Variants in RBM7 observed in about 807,000 individuals in gnomAD.
RBM7 encodes the protein RNA binding motif protein 7, also known as RNA-binding protein 7.
RBM7 carries 13 observed loss-of-function variants against 31.0 expected under a neutral mutation model. The ratio of observed to expected loss-of-function variants is 0.42; its 90% CI spans 0.27 to 0.67. The LOEUF (loss-of-function observed/expected upper bound fraction) is 0.67, where lower values mean the gene tolerates loss of function less well. Among genes scored for constraint, RBM7 ranks in the 30% least tolerant of loss-of-function variants. RBM7 has a pLI of 0.24. For synonymous variants in RBM7, 106 were observed against 111.2 expected, an observed-to-expected ratio of 0.95 and a Z score of 0.30; for missense variants, 245 against 326.2, an observed-to-expected ratio of 0.75 and a Z score of 1.92.
At chr11:114,401,996 T>A in intron 2 of RBM7, 136 bp downstream of exon 2, 1 of 821,350 alleles carries the variant, frequency 1.2e-6, no homozygotes. Context: ...TATAGCAAAC[T>A]TTATATATCC....
At chr11:114,404,401 C>G (rs1946239704) in intron 3 of RBM7, among the ~76,000 whole-genome samples, 2 of 152,196 alleles carry the variant, frequency 1.3e-5, no homozygotes, top group South Asian at 4.1e-4. Flanking sequence ...TCCCGGTGTT[C>G]TTTCTTGCCA....
At chr11:114,404,340 A>G (rs1262889520) in intron 3 of RBM7, among the ~76,000 whole-genome samples, 1 of 152,130 alleles carries the variant, frequency 6.6e-6, no homozygotes, top group Admixed American at 6.5e-5. Context: ...GGATATGAAG[A>G]GATACTAGAA....
intron 3 of RBM7, among the ~76,000 whole-genome samples, chr11:114,404,546 G>C (rs1174974734): frequency 1.3e-5 from 2 of 152,050 alleles, no homozygotes; most frequent in Non-Finnish European, 2.9e-5. Context: ...AGAATTTCTT[G>C]GGGAGAAAAA....
chr11:114,409,468 A>G lies in RBM7; in HGVS notation c.*1661A>G, dbSNP rs181102102. 25 of 152,096 alleles carry G rather than the reference A, an allele frequency of 1.6e-4. No individual in the cohort carries two copies. The highest frequency in any genetic ancestry group is 5.1e-4 in the African/African-American group (21 of 41,478). 9.4% of individuals were successfully genotyped at this position (152,096 alleles called of 1,614,324 possible). On this transcript the variant is annotated 3_prime_UTR_variant, in exon 5 of 5. Coordinates refer to ENST00000375490, the MANE Select transcript of RBM7 (RefSeq NM_001286045.2). ...ACTGCAACCTCCATATCCCGGGTTC[A>G]AGTGATTCTCCTGCCTTAGCCTCCC...
Position 114,408,924 on chromosome 11 carries a change from TA to T in RBM7, c.*1118del, listed in dbSNP as rs1428447210. ...AAAATATAAAAGGAAGGGTGTGTGT[TA>T]TTTTTTTTTTTTTATGTCACTGACT... On this transcript the variant is annotated 3_prime_UTR_variant, in exon 5 of 5. Transcript: ENST00000375490. 3.0e-4 allele frequency: 46 copies of T among 151,692 alleles called. No homozygotes were observed. Among genetic ancestry groups the T allele is most frequent in the Non-Finnish European group, 4.9e-4 (33 of 67,898 alleles). 9.4% of individuals were successfully genotyped at this position (151,692 alleles called of 1,614,324 possible).
In RBM7 at chr11:114,408,843, A is replaced by C. The variant is rs1447367647; in HGVS notation, c.*1036A>C. The C allele has an allele frequency of 1.3e-5, 2 of 151,696 alleles. 1 individual carries two copies. Among genetic ancestry groups the C allele is most frequent in the Non-Finnish European group, 2.9e-5 (2 of 67,994 alleles). The allele number at this position is 151,696 out of a possible 1,614,324, so 9.4% of individuals were successfully genotyped here. On this transcript the variant is annotated 3_prime_UTR_variant, in exon 5 of 5. Coordinates refer to ENST00000375490, the MANE Select transcript of RBM7 (RefSeq NM_001286045.2). ...TGTTTATAAAAGTTCATTTGTTGAAAAATAAGGATCCTTTTTAATACCACA... is the reference window on the plus strand; with the variant it reads ...TGTTTATAAAAGTTCATTTGTTGAACAATAAGGATCCTTTTTAATACCACA...
At position 114,410,415 on chromosome 11, in the gene RBM7, A is replaced by G. The variant is rs190681770; in HGVS notation, c.*2608A>G. The G allele has an allele frequency of 1.3e-5, 2 of 152,212 alleles. No individual in the cohort carries two copies. Among genetic ancestry groups the G allele is most frequent in the Admixed American group, 1.3e-4 (2 of 15,292 alleles). The allele number at this position is 152,212 out of a possible 1,614,324, so 9.4% of individuals were successfully genotyped here. On this transcript the variant is annotated 3_prime_UTR_variant, in exon 5 of 5. Coordinates refer to ENST00000375490, the MANE Select transcript of RBM7 (RefSeq NM_001286045.2). Reference sequence around the variant, plus strand: ...AAAATTTTTATACCACTTTCTAATTATGTTGTGTGTGCCCACTTTCCCCAT... The same window carrying G: ...AAAATTTTTATACCACTTTCTAATTGTGTTGTGTGTGCCCACTTTCCCCAT...
At chr11:114,401,920 A>G in intron 2 of RBM7, 60 bp downstream of exon 2, 3 of 1,469,126 alleles carry the variant, frequency 2.0e-6, no homozygotes, top group Non-Finnish European at 2.7e-6. Context: ...TTTATTATTC[A>G]GTTTTAAAGA....
rs1255750012 is a variant in RBM7 at position 114,408,488 on chromosome 11, G to A, written c.*681G>A. On this transcript the variant is annotated 3_prime_UTR_variant, in exon 5 of 5. Coordinates refer to ENST00000375490, the MANE Select transcript of RBM7 (RefSeq NM_001286045.2). ...CGTATATTTTTACATTAAAAATACAGTGTTAGCATAAATCCCCTTTTCAGG... is the reference window on the plus strand; with the variant it reads ...CGTATATTTTTACATTAAAAATACAATGTTAGCATAAATCCCCTTTTCAGG... 1.3e-5 allele frequency: 2 copies of A among 152,714 alleles called. No individual in the cohort carries two copies. The highest frequency in any genetic ancestry group is 2.9e-5 in the Non-Finnish European group (2 of 68,006). 9.5% of individuals were successfully genotyped at this position (152,714 alleles called of 1,614,324 possible).
intron 2 of RBM7, chr11:114,402,195 T>C (rs1946211285): frequency 4.7e-6 from 1 of 210,592 alleles, no homozygotes; most frequent in East Asian, 1.5e-4. Context: ...TACTTTTATA[T>C]ATTTTGGTTC....
In RBM7 at chr11:114,409,618, C is replaced by T. The variant is rs553238571; in HGVS notation, c.*1811C>T. On this transcript the variant is annotated 3_prime_UTR_variant, in exon 5 of 5. Coordinates refer to ENST00000375490, the MANE Select transcript of RBM7 (RefSeq NM_001286045.2). ...TCCTGACCTCAAGTGATCCACCTAC[C>T]TTGGCCTACCGAGGTGCTGGAATTA... 6.6e-6 allele frequency: 1 copy of T among 152,428 alleles called. No homozygotes were observed. Among genetic ancestry groups the T allele is most frequent in the East Asian group, 1.9e-4 (1 of 5,188 alleles). The allele number at this position is 152,428 out of a possible 1,614,324, so 9.4% of individuals were successfully genotyped here. A position where few individuals can be genotyped will look rare whatever the true frequency, so the allele number is the denominator to read the frequency against.
At chr11:114,403,022 A>G in intron 3 of RBM7, 107 bp downstream of exon 3, 1 of 982,174 alleles carries the variant, frequency 1.0e-6, no homozygotes, top group Admixed American at 1.9e-5. Context: ...TTATCTCTTC[A>G]TTCTGCCGTT....
intron 3 of RBM7, among the ~76,000 whole-genome samples, chr11:114,403,763 T>G (rs984510373): frequency 6.6e-6 from 1 of 152,202 alleles, no homozygotes; most frequent in African/African-American, 2.4e-5. Context: ...GTTAACTTGC[T>G]CAGGTTCAGT....
chr11:114,405,630 G>A, intron 3 of RBM7, 76 bp from the exon 4 acceptor site: 1 of 1,013,846 alleles, frequency 9.9e-7, no homozygotes, highest in Non-Finnish European at 1.4e-6. Flanking sequence ...CGACCTTTGA[G>A]AAATGTGTTC....
rs1160595339 is a variant in RBM7, at chr11:114,410,016, C to T, written c.*2209C>T. ...AGTTGAGCATCCCAGGTCCGGAAATCCACAGTGCTCCAATGAGCCTTTCCC... is the reference window on the plus strand; with the variant it reads ...AGTTGAGCATCCCAGGTCCGGAAATTCACAGTGCTCCAATGAGCCTTTCCC... On this transcript the variant is annotated 3_prime_UTR_variant, in exon 5 of 5. Transcript: ENST00000375490. 1 of 152,132 alleles carries T rather than the reference C, an allele frequency of 6.6e-6. No individual in the cohort carries two copies. Among genetic ancestry groups the T allele is most frequent in the East Asian group, 1.9e-4 (1 of 5,186 alleles). 9.4% of individuals were successfully genotyped at this position (152,132 alleles called of 1,614,324 possible). A position where few individuals can be genotyped will look rare whatever the true frequency, so the allele number is the denominator to read the frequency against.
rs541868847 is a variant in RBM7, at chr11:114,407,797, C to T, written c.794C>T (p.Ser265Phe). ...DSSRDGKWRSSRH is the reference protein window; with the variant it reads ...DSSRDGKWRSFRH Reference sequence around the variant, plus strand: ...AGTAGAGATGGAAAATGGCGCTCATCTCGACACTAACACATGTTAAAAGGA... The same window carrying T: ...AGTAGAGATGGAAAATGGCGCTCATTTCGACACTAACACATGTTAAAAGGA... Residue 265 changes from serine (S) to phenylalanine (F), a missense_variant, in exon 5 of 5, where the codon TCT becomes TTT. By Grantham distance (155) the Ser-to-Phe change is radical (BLOSUM62 -2). Coordinates refer to ENST00000375490, the MANE Select transcript of RBM7 (RefSeq NM_001286045.2). The T allele has an allele frequency of 1.2e-5, 19 of 1,606,034 alleles. No homozygotes were observed. Among genetic ancestry groups the T allele is most frequent in the Non-Finnish European group, 5.1e-6 (6 of 1,177,430 alleles).
chr11:114,405,041 G>T (rs556150722), intron 3 of RBM7, among the ~76,000 whole-genome samples: 3 of 151,910 alleles, frequency 2.0e-5, no homozygotes, highest in Non-Finnish European at 4.4e-5. Context: ...TTTTTGTCTC[G>T]GGAAATATCT....
At chr11:114,400,853 C>T in intron 1 of RBM7, 86 bp downstream of exon 1, 2 of 1,502,624 alleles carry the variant, frequency 1.3e-6, no homozygotes, top group Non-Finnish European at 1.8e-6. Flanking sequence ...CTTTTCGTAG[C>T]CGTCAGGGGA....
chr11:114,401,552 C>G (rs1946201296), intron 1 of RBM7, 146 bp from the exon 2 acceptor site: 1 of 684,348 alleles, frequency 1.5e-6, no homozygotes, highest in African/African-American at 1.9e-5. Flanking sequence ...TTTACTGTAG[C>G]CAAAATGGAA....
Sources: gnomAD v4.1 joint callset for allele counts (sites outside exome capture counted in the v4.1 genomes callset) on GRCh38, gnomAD v4.1.1 for gene constraint, MANE v1.5 for transcripts, NCBI Gene and HGNC (gene_info 2026-07-23, HGNC 2026-07-21) for gene names.